The following HS6ST3 variants were observed in gnomAD, a reference collection of about 807,000 sequenced individuals.
HS6ST3 encodes heparan sulfate 6-O-sulfotransferase 3.
In HS6ST3, 12 loss-of-function variants were observed where a neutral mutation model predicts 36.7. That is an observed-to-expected ratio of 0.33 (90% confidence interval 0.21 to 0.53). HS6ST3 has a LOEUF of 0.53. Among genes scored for constraint, HS6ST3 ranks in the 20% least tolerant of loss-of-function variants. The pLI is 0.95. For synonymous variants in HS6ST3, 240 were observed against 257.5 expected (o/e 0.93, Z 0.65); for missense variants, 584 against 640.9 (o/e 0.91, Z 0.96).
intron 1 of HS6ST3, among the ~76,000 whole-genome samples, chr13:96,137,420 A>G (rs2054007934): frequency 7.0e-6 from 1 of 142,426 alleles, no homozygotes; most frequent in Non-Finnish European, 1.5e-5. Context: ...TGCTCCCTAG[A>G]GGAACAATCC....
chr13:96,215,674 T>C (rs2054422193), intron 1 of HS6ST3, among the ~76,000 whole-genome samples: 1 of 147,596 alleles, frequency 6.8e-6, no homozygotes, highest in South Asian at 2.1e-4. Flanking sequence ...TTTCCCTTTA[T>C]TTTTTTTTAT....
intron 1 of HS6ST3, among the ~76,000 whole-genome samples, chr13:96,144,038 T>TA (rs1187315689): frequency 1.3e-5 from 2 of 152,206 alleles, no homozygotes; most frequent in Non-Finnish European, 2.9e-5. Context: ...GGCAGCATGA[T>TA]ACAGTGAAAA....
chr13:96,766,004 C>G (rs1315558199), intron 1 of HS6ST3, among the ~76,000 whole-genome samples: 2 of 152,120 alleles, frequency 1.3e-5, no homozygotes, highest in African/African-American at 2.4e-5. Context: ...CATAAACTGG[C>G]AGTACAACCT....
intron 1 of HS6ST3, among the ~76,000 whole-genome samples, chr13:96,635,795 A>G (rs1385048998): frequency 1.3e-5 from 2 of 152,254 alleles, no homozygotes; most frequent in African/African-American, 4.8e-5. Flanking sequence ...GATAAACACT[A>G]TATTGGCCCT....
intron 1 of HS6ST3, among the ~76,000 whole-genome samples, chr13:96,203,561 A>G (rs12431279): frequency 0.049 from 7,531 of 152,304 alleles, 297 homozygotes; most frequent in Admixed American, 0.12. Flanking sequence ...CTGTTTTAAA[A>G]TTAATTTGCT....
chr13:96,708,412 T>A (rs567905764), intron 1 of HS6ST3, among the ~76,000 whole-genome samples: 2 of 152,316 alleles, frequency 1.3e-5, no homozygotes, highest in African/African-American at 4.8e-5. Flanking sequence ...TACCCCAATC[T>A]CTTTCTCTGA....
intron 1 of HS6ST3, among the ~76,000 whole-genome samples, chr13:96,661,166 A>G (rs2056645001): frequency 6.6e-6 from 1 of 152,064 alleles, no homozygotes; most frequent in East Asian, 1.9e-4. Context: ...TTGCTCCTCA[A>G]CTTGCAGATG....
At chr13:96,704,754 G>A (rs967369906) in intron 1 of HS6ST3, among the ~76,000 whole-genome samples, 13 of 152,126 alleles carry the variant, frequency 8.5e-5, no homozygotes, top group Non-Finnish European at 1.8e-4. Flanking sequence ...AGGACTGCAA[G>A]AGAAAGAAAT....
intron 1 of HS6ST3, among the ~76,000 whole-genome samples, chr13:96,416,070 G>T (rs1326788991): frequency 6.6e-6 from 1 of 152,168 alleles, no homozygotes; most frequent in African/African-American, 2.4e-5. Flanking sequence ...TGCTGTTTCT[G>T]CTATTTTGGA....
chr13:96,238,423 A>G (rs2054544793), intron 1 of HS6ST3, among the ~76,000 whole-genome samples: 1 of 152,160 alleles, frequency 6.6e-6, no homozygotes, highest in African/African-American at 2.4e-5. Context: ...TAGATTAACT[A>G]TAGGCTCTTT....
At chr13:96,738,875 A>G (rs758952560) in intron 1 of HS6ST3, among the ~76,000 whole-genome samples, 1 of 152,118 alleles carries the variant, frequency 6.6e-6, no homozygotes, top group African/African-American at 2.4e-5. Context: ...ACAGCAAAAC[A>G]CCTCAAAAGA....
chr13:96,497,685 C>T (rs1378164426), intron 1 of HS6ST3, among the ~76,000 whole-genome samples: 4 of 152,130 alleles, frequency 2.6e-5, no homozygotes. Flanking sequence ...GATGGTTTCC[C>T]ATTGCCCCTA....
Position 96,090,205 on chromosome 13 carries a change from C to A in HS6ST3, c.-658C>A, listed in dbSNP as rs934649810. ...AGCCCGGAGCGGCAGTGCGACTCGCCGGGAGAGGCGTCTCCGCAGAGGCGC... is the reference window on the plus strand; with the variant it reads ...AGCCCGGAGCGGCAGTGCGACTCGCAGGGAGAGGCGTCTCCGCAGAGGCGC... On this transcript the variant is annotated 5_prime_UTR_variant, in exon 1 of 2. Coordinates refer to ENST00000376705, the MANE Select transcript of HS6ST3 (RefSeq NM_153456.4). 6.6e-6 allele frequency among the ~76,000 whole-genome samples: 1 copy of A among 151,530 alleles called. No homozygotes were observed. Among genetic ancestry groups the A allele is most frequent in the African/African-American group, 2.4e-5 (1 of 41,362 alleles).
intron 1 of HS6ST3, among the ~76,000 whole-genome samples, chr13:96,306,209 T>G (rs2054912410): frequency 6.6e-6 from 1 of 151,428 alleles, no homozygotes; most frequent in Non-Finnish European, 1.5e-5. Flanking sequence ...GTTTAAGCAA[T>G]TCTCCTCCCT....
chr13:96,165,329 C>T lies in HS6ST3; in HGVS notation c.707+73760C>T, dbSNP rs150558474. ...CAACTTTAGAAGCCCCATGGCTTCC[C>T]CTGTATTCTCTCTGGGGGCTTTTGT... On this transcript the variant is annotated intron_variant, in intron 1 of 1. Coordinates refer to ENST00000376705, the MANE Select transcript of HS6ST3 (RefSeq NM_153456.4). Among the ~76,000 whole-genome samples the T allele has an allele frequency of 3.4e-3, 520 of 152,186 alleles. 4 individuals carry two copies. Among genetic ancestry groups the T allele is most frequent in the Middle Eastern group, 0.01 (3 of 294 alleles).
At chr13:96,728,197 T>C (rs1876053588) in intron 1 of HS6ST3, among the ~76,000 whole-genome samples, 2 of 152,128 alleles carry the variant, frequency 1.3e-5, no homozygotes, top group South Asian at 2.1e-4. Flanking sequence ...ACAAAATAAA[T>C]AAGTAAAGTA....
intron 1 of HS6ST3, among the ~76,000 whole-genome samples, chr13:96,416,227 C>A (rs1384779672): frequency 6.6e-6 from 1 of 152,180 alleles, no homozygotes; most frequent in Non-Finnish European, 1.5e-5. Flanking sequence ...GGCAAAATGG[C>A]ACCTGGCCAA....
chr13:96,409,356 G>C (rs1314808880), intron 1 of HS6ST3, among the ~76,000 whole-genome samples: 3 of 152,200 alleles, frequency 2.0e-5, no homozygotes, highest in Non-Finnish European at 4.4e-5. Context: ...ATTGTACACA[G>C]CAGAAGCAAG....
chr13:96,594,739 C>A (rs972528085), intron 1 of HS6ST3, among the ~76,000 whole-genome samples: 2 of 152,118 alleles, frequency 1.3e-5, no homozygotes, highest in Admixed American at 6.6e-5. Flanking sequence ...AACCTTTGTA[C>A]TAAAGGTATA....
Sources: allele counts gnomAD v4.1 joint callset (sites outside exome capture counted in the v4.1 genomes callset), GRCh38; gene constraint gnomAD v4.1.1; transcripts MANE v1.5; gene names NCBI Gene and HGNC (gene_info 2026-07-23, HGNC 2026-07-21).